ABCD3: variants seen among roughly 807,000 people sequenced by gnomAD.
ABCD3 encodes the protein ATP-binding cassette sub-family D member 3.
Under a neutral mutation model 105.5 loss-of-function variants are expected in ABCD3, and 41 were observed. The ratio of observed to expected loss-of-function variants is 0.39; its 90% confidence interval spans 0.30 to 0.50. The LOEUF is 0.50. ABCD3 is among the 20% of genes least tolerant of loss of function. ABCD3 has a pLI of 0.84. For missense variants in ABCD3, 622 were observed against 806.3 expected, an observed-to-expected ratio of 0.77 and a Z score of 2.77; for synonymous variants, 258 against 269.0, an observed-to-expected ratio of 0.96 and a Z score of 0.40.
At position 94,418,439 on chromosome 1, in the gene ABCD3, C is replaced by A. The variant is rs4148058; in HGVS notation, c.-40C>A. ...GTAAGGTAGCCGCCGCCGCCGCCGCCGCCGCGTCCCCTCGCCGGCTCGCTG... is the reference window on the plus strand; with the variant it reads ...GTAAGGTAGCCGCCGCCGCCGCCGCAGCCGCGTCCCCTCGCCGGCTCGCTG... On this transcript the variant is annotated 5_prime_UTR_variant, in exon 1 of 23. Transcript: ENST00000370214. 9.7e-6 allele frequency: 15 copies of A among 1,546,618 alleles called. No individual in the cohort carries two copies. Among genetic ancestry groups the A allele is most frequent in the Non-Finnish European group, 1.3e-5 (15 of 1,145,712 alleles).
chr1:94,446,991 T>A (rs925934151), intron 1 of ABCD3, among the ~76,000 whole-genome samples: 4 of 152,210 alleles, frequency 2.6e-5, no homozygotes, highest in Admixed American at 1.3e-4. Context: ...ATCAGGTATG[T>A]CCCTGGTATG....
chr1:94,389,422 C>T, the ABCD3 span, among the ~76,000 whole-genome samples: 1 of 152,222 alleles, frequency 6.6e-6, no homozygotes, highest in Non-Finnish European at 1.5e-5. Flanking sequence ...CAGAAAACTG[C>T]TTGAAGGCGT....
intron 1 of ABCD3, among the ~76,000 whole-genome samples, chr1:94,441,424 C>G (rs1034005311): frequency 6.6e-5 from 10 of 151,908 alleles, no homozygotes; most frequent in East Asian, 3.9e-4. Flanking sequence ...AGAGGTGCAG[C>G]CTTTGTGGAG....
At chr1:94,499,349 A>G in intron 19 of ABCD3, 146 bp from the exon 20 acceptor site, 2 of 951,356 alleles carry the variant, frequency 2.1e-6, no homozygotes, top group South Asian at 3.0e-5. Flanking sequence ...GTTCAGGGCT[A>G]CCTTGTGCCA....
intron 2 of ABCD3, among the ~76,000 whole-genome samples, chr1:94,461,436 C>T (rs1228202281): frequency 6.6e-6 from 1 of 150,536 alleles, no homozygotes; most frequent in Non-Finnish European, 1.5e-5. Flanking sequence ...TTAGCATTCC[C>T]ATGCATATTT....
At chr1:94,393,790 C>T in the ABCD3 span, among the ~76,000 whole-genome samples, 6 of 152,142 alleles carry the variant, frequency 3.9e-5, no homozygotes, top group Non-Finnish European at 7.3e-5. Context: ...TTTTAATCAA[C>T]CAAGAGACCT....
the ABCD3 span, among the ~76,000 whole-genome samples, chr1:94,403,212 T>C: frequency 6.6e-6 from 1 of 152,152 alleles, no homozygotes; most frequent in Non-Finnish European, 1.5e-5. Context: ...TGTTCTGATG[T>C]TTCCTCATGA....
intron 10 of ABCD3, among the ~76,000 whole-genome samples, chr1:94,486,947 A>G (rs1649303350): frequency 6.6e-6 from 1 of 152,252 alleles, no homozygotes; most frequent in Admixed American, 6.5e-5. Flanking sequence ...GTAGATGGAC[A>G]GTTTGAGAAC....
chr1:94,499,314 T>G (rs1649981536), intron 19 of ABCD3, among the ~76,000 whole-genome samples, 181 bp from the exon 20 acceptor site: 1 of 152,210 alleles, frequency 6.6e-6, no homozygotes, highest in Non-Finnish European at 1.5e-5. Context: ...TTGTCAAGTT[T>G]GGTGTAGATA....
intron 22 of ABCD3, among the ~76,000 whole-genome samples, chr1:94,515,811 T>G (rs958299550): frequency 2.0e-5 from 3 of 151,718 alleles, no homozygotes; most frequent in Non-Finnish European, 4.4e-5. Context: ...CTCTTTATTT[T>G]CTTTCCTCCT....
chr1:94,503,026 T>C (rs759864898), intron 20 of ABCD3, among the ~76,000 whole-genome samples: 1 of 152,214 alleles, frequency 6.6e-6, no homozygotes, highest in Non-Finnish European at 1.5e-5. Flanking sequence ...ATAAACTTTC[T>C]TAAAATCTTA....
intron 1 of ABCD3, among the ~76,000 whole-genome samples, chr1:94,439,500 G>C (rs1339851426): frequency 6.6e-6 from 1 of 152,096 alleles, no homozygotes; most frequent in Non-Finnish European, 1.5e-5. Flanking sequence ...AAATTAGTCA[G>C]GTGTGGTGGC....
At chr1:94,508,467 C>T (rs1203697510) in intron 21 of ABCD3, among the ~76,000 whole-genome samples, 3 of 151,518 alleles carry the variant, frequency 2.0e-5, no homozygotes, top group South Asian at 2.1e-4. Flanking sequence ...ATTGACTTGG[C>T]GATGCGTGCT....
chr1:94,513,319 A>G (rs966632672), intron 21 of ABCD3, among the ~76,000 whole-genome samples: 3 of 152,042 alleles, frequency 2.0e-5, no homozygotes, highest in Non-Finnish European at 2.9e-5. Context: ...GGTAATTTTG[A>G]CCACGTGATT....
chr1:94,390,046 C>T, the ABCD3 span, among the ~76,000 whole-genome samples: 50 of 152,212 alleles, frequency 3.3e-4, no homozygotes, highest in African/African-American at 1.2e-3. Flanking sequence ...AAATGAACTC[C>T]TTTGGTCCTT....
intron 3 of ABCD3, among the ~76,000 whole-genome samples, chr1:94,467,157 G>A (rs377332670): frequency 2.4e-4 from 37 of 152,254 alleles, no homozygotes; most frequent in African/African-American, 8.9e-4. Flanking sequence ...AGAATTTTAT[G>A]TGTGTAAACT....
intron 1 of ABCD3, among the ~76,000 whole-genome samples, chr1:94,438,856 T>C (rs988133730): frequency 3.3e-5 from 5 of 152,222 alleles, no homozygotes; most frequent in African/African-American, 9.6e-5. Flanking sequence ...CTATGTGCAC[T>C]GGGAAACCAA....
At chr1:94,414,074 G>A (rs1658959501), upstream of ABCD3, among the ~76,000 whole-genome samples, 1 of 152,116 alleles carries the variant, frequency 6.6e-6, no homozygotes, top group African/African-American at 2.4e-5. Context: ...CTATCTCCTG[G>A]GGTAGGGGTA....
At chr1:94,431,563 T>C (rs1026046234) in intron 1 of ABCD3, among the ~76,000 whole-genome samples, 33 of 152,186 alleles carry the variant, frequency 2.2e-4, no homozygotes, top group African/African-American at 7.7e-4. Flanking sequence ...ATTTAAAATA[T>C]GGTTTGTTGT....
Sources: gnomAD v4.1 joint callset for allele counts (sites outside exome capture counted in the v4.1 genomes callset) on GRCh38, gnomAD v4.1.1 for gene constraint, MANE v1.5 for transcripts, NCBI Gene and HGNC (gene_info 2026-07-23, HGNC 2026-07-21) for gene names.